The following BBS9 variants were observed in gnomAD, a reference collection of about 807,000 sequenced individuals.
BBS9 encodes Bardet-Biedl syndrome 9.
BBS9 carries 89 observed loss-of-function variants against 117.7 expected under a neutral mutation model. The ratio of observed to expected loss-of-function variants is 0.76; its 90% CI spans 0.64 to 0.90. The LOEUF (loss-of-function observed/expected upper bound fraction) is 0.90. BBS9 is among the 40% of genes least tolerant of loss of function. The pLI is 0.00. For missense variants in BBS9, 982 were observed against 1,042.2 expected, an observed-to-expected ratio of 0.94 and a Z score of 0.80; for synonymous variants, 379 against 370.9, an observed-to-expected ratio of 1.02 and a Z score of -0.25.
intron 21 of BBS9, among the ~76,000 whole-genome samples, chr7:33,631,184 G>A (rs376080139): frequency 3.3e-5 from 5 of 152,174 alleles, no homozygotes; most frequent in East Asian, 1.9e-4. Context: ...CGAAAAGGCC[G>A]TGTGTCTGGT....
At chr7:33,579,980 AATT>A (rs1372260934) in intron 21 of BBS9, among the ~76,000 whole-genome samples, 1 of 152,130 alleles carries the variant, frequency 6.6e-6, no homozygotes, top group Non-Finnish European at 1.5e-5. Flanking sequence ...AGTTTTATTT[AATT>A]ATTAGCTGTT....
intron 5 of BBS9, among the ~76,000 whole-genome samples, chr7:33,241,893 C>T (rs758964958): frequency 1.5e-4 from 23 of 152,072 alleles, no homozygotes; most frequent in African/African-American, 5.6e-4. Context: ...TTTCAGTACA[C>T]GAAGTCTTTG....
At chr7:33,328,370 T>C (rs766228236) in intron 9 of BBS9, among the ~76,000 whole-genome samples, 1 of 152,222 alleles carries the variant, frequency 6.6e-6, no homozygotes, top group Non-Finnish European at 1.5e-5. Context: ...AAGCCTCATG[T>C]CTTCTTTGCC....
At chr7:33,489,150 G>A (rs145557517) in intron 19 of BBS9, among the ~76,000 whole-genome samples, 4,679 of 151,574 alleles carry the variant, frequency 0.031, 443 homozygotes, top group Admixed American at 0.21. Context: ...GCACCACCAC[G>A]CCTGGCTAAC....
intron 21 of BBS9, among the ~76,000 whole-genome samples, chr7:33,546,156 ATCT>A (rs1853329081): frequency 6.6e-6 from 1 of 151,844 alleles, no homozygotes; most frequent in Non-Finnish European, 1.5e-5. Flanking sequence ...GATGGTCTTG[ATCT>A]TCTGACCTCG....
At chr7:33,263,761 T>C (rs1279222798) in intron 6 of BBS9, among the ~76,000 whole-genome samples, 9 of 152,116 alleles carry the variant, frequency 5.9e-5, no homozygotes, top group Non-Finnish European at 1.2e-4. Context: ...TGTTTAATCC[T>C]TTTAACAATG....
chr7:33,484,701 T>C (rs1178042291), intron 19 of BBS9, among the ~76,000 whole-genome samples: 4 of 152,192 alleles, frequency 2.6e-5, no homozygotes, highest in Non-Finnish European at 5.9e-5. Context: ...GGTAGGAGTG[T>C]AAATTAGTTC....
At chr7:33,147,788 A>T (rs2128098824) in intron 2 of BBS9, among the ~76,000 whole-genome samples, 1 of 152,354 alleles carries the variant, frequency 6.6e-6, no homozygotes, top group South Asian at 2.1e-4. Flanking sequence ...GGGTGCTACC[A>T]GTAGGTTACG....
chr7:33,502,661 T>C (rs912592969), intron 19 of BBS9, among the ~76,000 whole-genome samples: 1 of 152,188 alleles, frequency 6.6e-6, no homozygotes, highest in Non-Finnish European at 1.5e-5. Context: ...CTGAGCTAGT[T>C]CTGGCATACC....
At chr7:33,228,594 G>T (rs1004835727) in intron 5 of BBS9, among the ~76,000 whole-genome samples, 1 of 152,098 alleles carries the variant, frequency 6.6e-6, no homozygotes, top group African/African-American at 2.4e-5. Flanking sequence ...TTAGCCTACT[G>T]TTGCCTTACT....
chr7:33,301,913 T>G (rs1306029529), intron 9 of BBS9, among the ~76,000 whole-genome samples: 1 of 152,206 alleles, frequency 6.6e-6, no homozygotes, highest in Non-Finnish European at 1.5e-5. Flanking sequence ...GAGGGTTCCC[T>G]TTTCTCCACA....
intron 19 of BBS9, among the ~76,000 whole-genome samples, chr7:33,441,857 T>C (rs1836245006): frequency 6.6e-6 from 1 of 152,012 alleles, no homozygotes; most frequent in Non-Finnish European, 1.5e-5. Flanking sequence ...GCCCATCAAT[T>C]ACAGCAATGT....
intron 20 of BBS9, 100 bp from the exon 21 acceptor site, chr7:33,533,854 A>G (rs1280523372): frequency 2.2e-6 from 3 of 1,371,000 alleles, no homozygotes; most frequent in East Asian, 4.6e-5. Flanking sequence ...CAGGTTCCCA[A>G]CACTTGAACA....
intron 5 of BBS9, among the ~76,000 whole-genome samples, chr7:33,257,018 T>TA (rs1393246475): frequency 5.3e-5 from 8 of 152,140 alleles, no homozygotes; most frequent in African/African-American, 1.9e-4. Flanking sequence ...TTAATACTGG[T>TA]AGACTAATAG....
chr7:33,580,229 C>A (rs1859646605), intron 21 of BBS9, among the ~76,000 whole-genome samples: 1 of 151,634 alleles, frequency 6.6e-6, no homozygotes, highest in Admixed American at 6.6e-5. Context: ...AGCACGGTAC[C>A]CTCTTCACTA....
At chr7:33,486,225 T>G (rs563129969) in intron 19 of BBS9, among the ~76,000 whole-genome samples, 2 of 152,266 alleles carry the variant, frequency 1.3e-5, no homozygotes, top group South Asian at 4.2e-4. Flanking sequence ...TGAACCCTCT[T>G]GGAATAAATA....
intron 19 of BBS9, 39 bp from the exon 20 acceptor site, chr7:33,505,424 T>G (rs1191265558): frequency 5.6e-6 from 9 of 1,605,870 alleles, no homozygotes; most frequent in Non-Finnish European, 7.7e-6. Flanking sequence ...GCTCAATAAT[T>G]GTGAAATTAT....
chr7:33,259,541 AT>A (rs563240558), intron 6 of BBS9, among the ~76,000 whole-genome samples: 434 of 144,228 alleles, frequency 3.0e-3, no homozygotes, highest in Middle Eastern at 7.1e-3. Context: ...GCCCTGAGAC[AT>A]TTTTTTTTTT....
intron 19 of BBS9, among the ~76,000 whole-genome samples, chr7:33,418,637 G>C (rs914475204): frequency 6.6e-6 from 1 of 152,180 alleles, no homozygotes; most frequent in African/African-American, 2.4e-5. Flanking sequence ...CAGGAATGCT[G>C]TGGTGGCTTC....
Sources: allele counts gnomAD v4.1 joint callset (sites outside exome capture counted in the v4.1 genomes callset), GRCh38; gene constraint gnomAD v4.1.1; transcripts MANE v1.5; gene names NCBI Gene and HGNC (gene_info 2026-07-23, HGNC 2026-07-21).